The following PRR14L variants were observed in gnomAD, a reference collection of about 807,000 sequenced individuals.
The protein encoded by PRR14L is proline rich 14 like.
PRR14L carries 80 observed loss-of-function variants against 155.0 expected under a neutral mutation model. The observed-to-expected ratio is 0.52, with a 90% CI of 0.43 to 0.62. The LOEUF (loss-of-function observed/expected upper bound fraction) is 0.62. PRR14L is among the 20% of genes least tolerant of loss of function. The probability of loss-of-function intolerance (pLI) is 0.00; values close to 1 mark genes in which losing one functional copy is unlikely to be tolerated. For synonymous variants in PRR14L, 883 were observed against 916.0 expected, an observed-to-expected ratio of 0.96 and a Z score of 0.65; for missense variants, 2,469 against 2,548.0, an observed-to-expected ratio of 0.97 and a Z score of 0.67.
At chr22:31,719,402 C>T (rs1040847376) in intron 3 of PRR14L, among the ~76,000 whole-genome samples, 10 of 149,622 alleles carry the variant, frequency 6.7e-5, no homozygotes, top group African/African-American at 2.5e-4. Flanking sequence ...ACAGAGTAAG[C>T]GACCTTGTCT....
intron 2 of PRR14L, among the ~76,000 whole-genome samples, chr22:31,732,418 G>T (rs532756483): frequency 6.6e-4 from 101 of 152,282 alleles, no homozygotes; most frequent in Non-Finnish European, 1.3e-3. Context: ...CTAAACACCT[G>T]CTTTCCTTCT....
rs1423619974 is a variant in PRR14L at position 31,703,673 on chromosome 22, T to C, written c.5877A>G (p.Ala1959=). ...PALVPKSCLV[A]ESAVSKLLLS... is the part of the protein sequence containing the mutation. ...GCAGGAGCTTGCTGACAGCTGATTC[T>C]GCTACCAAGCAAGACTTTGGTACCA... The change falls in exon 6 of 9, where the codon GCA becomes GCG. Residue 1959 remains alanine (A), a synonymous_variant. Transcript: ENST00000327423. 6.2e-7 allele frequency: 1 copy of C among 1,611,184 alleles called. No individual in the cohort carries two copies. The highest frequency in any genetic ancestry group is 8.5e-7 in the Non-Finnish European group (1 of 1,178,402).
chr22:31,687,678 CT>C (rs2074489134), intron 8 of PRR14L, among the ~76,000 whole-genome samples: 1 of 151,656 alleles, frequency 6.6e-6, no homozygotes, highest in African/African-American at 2.4e-5. Flanking sequence ...ACCCAATACA[CT>C]TTATTTCCTA....
At chr22:31,700,701 C>T (rs1010651976) in intron 7 of PRR14L, among the ~76,000 whole-genome samples, 1 of 152,056 alleles carries the variant, frequency 6.6e-6, no homozygotes, top group African/African-American at 2.4e-5. Flanking sequence ...GGATTACTGG[C>T]GTGTGCCACC....
intron 5 of PRR14L, among the ~76,000 whole-genome samples, 170 bp from the exon 6 acceptor site, chr22:31,703,891 G>A (rs571086064): frequency 6.0e-5 from 9 of 150,936 alleles, no homozygotes; most frequent in Non-Finnish European, 1.2e-4. Context: ...TCTGCCTCCC[G>A]GGTTCAAGCA....
chr22:31,714,455 T>G lies in PRR14L; in HGVS notation c.3384A>C (p.Ile1128=). 1 of 1,551,788 alleles carries G rather than the reference T, an allele frequency of 6.4e-7. No homozygotes were observed. The highest frequency in any genetic ancestry group is 2.4e-5 in the East Asian group (1 of 40,926). ...ATACGTTTTCTTCACATGATTTTTT[T>G]ATTTTGAGAAAGTCCACTGTAGAAG... ...TAASTVDFLK[I]KKSCEENVCR... The change falls in exon 4 of 9, where the codon ATA becomes ATC. Residue 1128 remains isoleucine, a synonymous_variant. Coordinates refer to ENST00000327423, the MANE Select transcript of PRR14L (RefSeq NM_173566.3).
intron 8 of PRR14L, among the ~76,000 whole-genome samples, chr22:31,687,864 T>C (rs1354741038): frequency 6.6e-6 from 1 of 151,278 alleles, no homozygotes; most frequent in Non-Finnish European, 1.5e-5. Context: ...ACCCTGTCTC[T>C]ACTAAAAATA....
chr22:31,688,010 C>T (rs1311135196), intron 8 of PRR14L, 146 bp downstream of exon 8: 25 of 718,544 alleles, frequency 3.5e-5, no homozygotes, highest in Middle Eastern at 4.5e-4. Context: ...CCAGCCTGGG[C>T]GACAGAGACT....
Position 31,681,649 on chromosome 22 carries a change from G to T in PRR14L, c.*3878C>A, listed in dbSNP as rs2147847852. On this transcript the variant is annotated 3_prime_UTR_variant, in exon 9 of 9. Transcript: ENST00000327423. ...CACAATCAACAAACATGGAATCTGA[G>T]AGCACACTGCACTAGATGGCCAGCT... 1 of 152,256 alleles carries T rather than the reference G, an allele frequency of 6.6e-6. No homozygotes were observed. Among genetic ancestry groups the T allele is most frequent in the African/African-American group, 2.4e-5 (1 of 41,536 alleles). 9.4% of individuals were successfully genotyped at this position (152,256 alleles called of 1,614,324 possible).
chr22:31,713,155 G>T lies in PRR14L; in HGVS notation c.4684C>A (p.His1562Asn). The change falls in exon 4 of 9, where the codon CAC (histidine) becomes AAC (asparagine). Residue 1562 changes from histidine (H) to asparagine (N), a missense_variant. This residue lies in a region of PRR14L where 2,363 missense variants were observed against 2,371.6 expected (regional missense o/e 1.00). Transcript: ENST00000327423. Reference sequence around the variant, plus strand: ...AGAGTACACAAACTGAGAAGTCTGTGCGCTTTTGTGGGGATGGGATTGGAA... The same window carrying T: ...AGAGTACACAAACTGAGAAGTCTGTTCGCTTTTGTGGGGATGGGATTGGAA... ...SSSNPIPTKA[H>N]RLLSLCTLSA... is the part of the protein sequence containing the mutation. 6.4e-7 allele frequency: 1 copy of T among 1,552,034 alleles called. No individual in the cohort carries two copies. The highest frequency in any genetic ancestry group is 8.7e-7 in the Non-Finnish European group (1 of 1,147,044).
Position 31,714,844 on chromosome 22 carries a change from C to G in PRR14L, c.2995G>C (p.Glu999Gln). 1 of 1,552,050 alleles carries G rather than the reference C, an allele frequency of 6.4e-7. No individual in the cohort carries two copies. Among genetic ancestry groups the G allele is most frequent in the East Asian group, 2.4e-5 (1 of 40,926 alleles). ...TCCCCGTGAGGCTCGGTGACAGTCT[C>G]TCTCTGGTCACTACTTAGCATCTCC... ...AKEMLSSDQR[E>Q]TVTEPHGEVN... Residue 999 changes from glutamate to glutamine, a missense_variant, in exon 4 of 9, where the codon GAG becomes CAG. This residue lies in a region of PRR14L where 2,363 missense variants were observed against 2,371.6 expected (regional missense o/e 1.00). Coordinates refer to ENST00000327423, the MANE Select transcript of PRR14L (RefSeq NM_173566.3).
At chr22:31,704,431 C>CTTT in intron 5 of PRR14L, 5 of 333,580 alleles carry the variant, frequency 1.5e-5, no homozygotes, top group East Asian at 5.4e-5. Flanking sequence ...GTGATTTTCA[C>CTTT]TTTTTTTTTT....
intron 7 of PRR14L, among the ~76,000 whole-genome samples, chr22:31,690,520 TCTTGC>T (rs1397022338): frequency 6.6e-6 from 1 of 152,178 alleles, no homozygotes; most frequent in Non-Finnish European, 1.5e-5. Flanking sequence ...CATCTCGCTC[TCTTGC>T]CCAGGTTAAA....
At position 31,701,779 on chromosome 22, in the gene PRR14L, A is replaced by G; in HGVS notation, c.6001-17T>C. 6.3e-7 allele frequency: 1 copy of G among 1,576,964 alleles called. No homozygotes were observed. Among genetic ancestry groups the G allele is most frequent in the Non-Finnish European group, 8.7e-7 (1 of 1,149,166 alleles). ...TGGCTCAGCCTATTTTTAAGGATTA[A>G]GAAGAAAGATGGTCAAGCTGTAAGA... On this transcript the variant is annotated splice_polypyrimidine_tract_variant and intron_variant, in intron 6 of 8. Coordinates refer to ENST00000327423, the MANE Select transcript of PRR14L (RefSeq NM_173566.3).
Position 31,738,415 on chromosome 22 carries a change from G to C in PRR14L, c.446C>G (p.Ala149Gly). Reference protein sequence around the residue: ...AKEDPHQHSTAAEEKTSPSQE... With the variant: ...AKEDPHQHSTGAEEKTSPSQE... The stretch of plus-strand genomic sequence containing the variant: ...ACTCGGGCTAGTCTTTTCTTCAGCA[G>C]CTGTGGAATGTTGATGTGGATCTTC... The change falls in exon 2 of 9, where the codon GCT (alanine) becomes GGT (glycine). Residue 149 changes from alanine to glycine, a missense_variant. Ala to Gly is a moderately conservative substitution (Grantham distance 60). Coordinates refer to ENST00000327423, the MANE Select transcript of PRR14L (RefSeq NM_173566.3). 6.4e-7 allele frequency: 1 copy of C among 1,552,340 alleles called. No homozygotes were observed. Among genetic ancestry groups the C allele is most frequent in the East Asian group, 2.4e-5 (1 of 40,924 alleles).
rs1196907978 is a variant in PRR14L, at chr22:31,738,432, T to C, written c.429A>G (p.Pro143=). 6.4e-7 allele frequency: 1 copy of C among 1,552,400 alleles called. No individual in the cohort carries two copies. The highest frequency in any genetic ancestry group is 1.2e-5 in the South Asian group (1 of 84,060). ...CTTCAGCAGCTGTGGAATGTTGATG[T>C]GGATCTTCCTTTGCTCCCTCAGAGG... ...REPSEGAKED[P]HQHSTAAEEK... is the part of the protein sequence containing the mutation. The change falls in exon 2 of 9, where the codon CCA becomes CCG. Residue 143 remains proline (P), a synonymous_variant. Coordinates refer to ENST00000327423, the MANE Select transcript of PRR14L (RefSeq NM_173566.3).
chr22:31,715,970 TA>T lies in PRR14L; in HGVS notation c.1868del (p.Leu623Ter). ...TCTCACAGGCTATGCTCTGTTCATC[TA>T]AAAGTGGAATATCATCATGTGAGGT... The part of the protein sequence containing the change: ...IQTSHDDIPL[L>X]DEQSIACEMN... On this transcript the variant is annotated frameshift_variant, in exon 4 of 9. Coordinates refer to ENST00000327423, the MANE Select transcript of PRR14L (RefSeq NM_173566.3). LOFTEE classifies it high-confidence loss of function. The T allele has an allele frequency of 6.4e-7, 1 of 1,551,646 alleles. No individual in the cohort carries two copies. Among genetic ancestry groups the T allele is most frequent in the Non-Finnish European group, 8.7e-7 (1 of 1,146,944 alleles).
chr22:31,716,861 T>C lies in PRR14L; in HGVS notation c.978A>G (p.Thr326=). The C allele has an allele frequency of 6.4e-7, 1 of 1,551,974 alleles. No homozygotes were observed. Among genetic ancestry groups the C allele is most frequent in the Non-Finnish European group, 8.7e-7 (1 of 1,147,046 alleles). ...GGCTTGTGGCTGTGGGACTATCATG[T>C]GTAGAACTGGGTTGTTCATTATGGT... The part of the protein sequence containing the change: ...HGHHNEQPSS[T]HDSPTATSPL... The change falls in exon 4 of 9, where the codon ACA becomes ACG. Residue 326 remains threonine (T), a synonymous_variant. Transcript: ENST00000327423.
chr22:31,731,240 A>G (rs1002528888), intron 2 of PRR14L, among the ~76,000 whole-genome samples: 1 of 152,056 alleles, frequency 6.6e-6, no homozygotes, highest in African/African-American at 2.4e-5. Flanking sequence ...TATACACTCA[A>G]GTATTTCCAT....
Sources: gnomAD v4.1 joint callset for allele counts (sites outside exome capture counted in the v4.1 genomes callset) on GRCh38, gnomAD v4.1.1 for gene constraint, gnomAD v4.1.1 regional missense constraint, MANE v1.5 for transcripts, NCBI Gene and HGNC (gene_info 2026-07-23, HGNC 2026-07-21) for gene names.